TAF1B: variants seen among roughly 807,000 people sequenced by gnomAD.
TAF1B encodes TATA box-binding protein-associated factor RNA polymerase I subunit B.
TAF1B carries 61 observed loss-of-function variants against 83.9 expected under a neutral mutation model. The observed-to-expected ratio is 0.73, with a 90% CI of 0.59 to 0.90. TAF1B has a LOEUF of 0.90. Among genes scored for constraint, TAF1B ranks in the 40% least tolerant of loss-of-function variants. The pLI, the probability that TAF1B is intolerant of heterozygous loss-of-function variation, is 0.00. For missense variants in TAF1B, 625 were observed against 677.0 expected (o/e 0.92, Z 0.85); for synonymous variants, 221 against 224.6 (o/e 0.98, Z 0.14).
intron 4 of TAF1B, 28 bp downstream of exon 4, chr2:9,851,666 C>A: frequency 6.4e-7 from 1 of 1,564,654 alleles, no homozygotes; most frequent in Non-Finnish European, 8.7e-7. Context: ...TAGATGTTAG[C>A]TTTACATATT....
At chr2:9,924,302 C>T (rs772836487) in intron 14 of TAF1B, among the ~76,000 whole-genome samples, 1 of 152,120 alleles carries the variant, frequency 6.6e-6, no homozygotes, top group Non-Finnish European at 1.5e-5. Flanking sequence ...CGCTCAGAGC[C>T]CCTGACTCTG....
At chr2:9,913,354 CT>C in intron 12 of TAF1B, 105 bp downstream of exon 12, 17 of 842,538 alleles carry the variant, frequency 2.0e-5, no homozygotes, top group Non-Finnish European at 3.0e-5. Context: ...TACATTGTGA[CT>C]TTTTTTTCTG....
chr2:9,872,567 T>C (rs1664200197), intron 6 of TAF1B, among the ~76,000 whole-genome samples: 1 of 152,198 alleles, frequency 6.6e-6, no homozygotes, highest in Non-Finnish European at 1.5e-5. Context: ...GCTTTCTGAC[T>C]TCTAAAATTT....
At chr2:9,931,537 G>C (rs560448827) in intron 14 of TAF1B, among the ~76,000 whole-genome samples, 1 of 152,188 alleles carries the variant, frequency 6.6e-6, no homozygotes, top group African/African-American at 2.4e-5. Context: ...CGAGAGATCA[G>C]CTGTTAGTCT....
intron 8 of TAF1B, among the ~76,000 whole-genome samples, chr2:9,896,044 T>C (rs1665009305): frequency 6.6e-6 from 1 of 152,190 alleles, no homozygotes. Context: ...TGGAACAATT[T>C]ATTGTAGCTT....
At chr2:9,884,457 G>C (rs1305981211) in intron 8 of TAF1B, among the ~76,000 whole-genome samples, 2 of 152,214 alleles carry the variant, frequency 1.3e-5, no homozygotes, top group Non-Finnish European at 1.5e-5. Flanking sequence ...GGAAGAATGA[G>C]GTACACAGAT....
At chr2:9,909,491 G>A (rs1665457684) in intron 9 of TAF1B, among the ~76,000 whole-genome samples, 1 of 152,250 alleles carries the variant, frequency 6.6e-6, no homozygotes, top group South Asian at 2.1e-4. Context: ...GCTGTGCAAA[G>A]CAGAGAGGCA....
chr2:9,912,682 C>G (rs1665569146), intron 11 of TAF1B, among the ~76,000 whole-genome samples: 1 of 152,324 alleles, frequency 6.6e-6, no homozygotes, highest in East Asian at 1.9e-4. Context: ...TCTCTCTGCT[C>G]TGTCTGCTAA....
chr2:9,894,210 G>A (rs915515919), intron 8 of TAF1B, among the ~76,000 whole-genome samples: 7 of 149,966 alleles, frequency 4.7e-5, no homozygotes, highest in Non-Finnish European at 8.9e-5. Context: ...TTGATTACAT[G>A]ATTTGAAATA....
At chr2:9,852,851 A>G (rs1324647304) in intron 4 of TAF1B, among the ~76,000 whole-genome samples, 3 of 152,214 alleles carry the variant, frequency 2.0e-5, no homozygotes, top group Non-Finnish European at 4.4e-5. Context: ...GGCTGCAGTC[A>G]CCAAGGAAAG....
At position 9,910,808 on chromosome 2, in the gene TAF1B, A is replaced by T; in HGVS notation, c.1028A>T (p.Asp343Val). 2 of 1,613,856 alleles carry T rather than the reference A, an allele frequency of 1.2e-6. No homozygotes were observed. Among genetic ancestry groups the T allele is most frequent in the Non-Finnish European group, 1.7e-6 (2 of 1,179,816 alleles). The change falls in exon 10 of 15, where the codon GAT becomes GTT. Residue 343 changes from aspartate (D) to valine (V), a missense_variant. Coordinates refer to ENST00000263663, the MANE Select transcript of TAF1B (RefSeq NM_005680.3). ...GMGEVDFLTF[D>V]PIAKMAKTVK... ...GGAGAAGTGGATTTTCTGACATTTGATCCTATAGCTAAAATGGCAAAAACT... is the reference window on the plus strand; with the variant it reads ...GGAGAAGTGGATTTTCTGACATTTGTTCCTATAGCTAAAATGGCAAAAACT...
At position 9,922,790 on chromosome 2, in the gene TAF1B, C is replaced by A. The variant is rs535147535; in HGVS notation, c.1565+2970C>A. 9.9e-5 allele frequency among the ~76,000 whole-genome samples: 15 copies of A among 152,212 alleles called. No homozygotes were observed. The East Asian group carries it at 2.5e-3, about 25-fold the overall frequency. ...ACCAGGGCCTAGCACAGACTAGGTGCCCACCAAGTATTTATTGAATGAATG... is the reference window on the plus strand; with the variant it reads ...ACCAGGGCCTAGCACAGACTAGGTGACCACCAAGTATTTATTGAATGAATG... On this transcript the variant is annotated intron_variant, in intron 14 of 14. Transcript: ENST00000263663.
chr2:9,886,127 C>T (rs572229516), intron 8 of TAF1B, among the ~76,000 whole-genome samples: 1 of 145,960 alleles, frequency 6.9e-6, no homozygotes, highest in East Asian at 2.0e-4. Flanking sequence ...TTGACGTATT[C>T]AAATGGCAAT....
chr2:9,866,877 A>G lies in TAF1B; in HGVS notation c.400-1399A>G, dbSNP rs192077557. ...CGCATGTTCTCACTCATAGGTGGGA[A>G]TTGAACAATGAGAACACATGGACAC... On this transcript the variant is annotated intron_variant, in intron 5 of 14. Transcript: ENST00000263663. 6.7e-3 allele frequency among the ~76,000 whole-genome samples: 1,020 copies of G among 151,610 alleles called. 11 individuals carry two copies. Among genetic ancestry groups the G allele is most frequent in the African/African-American group, 0.024 (984 of 41,366 alleles).
intron 14 of TAF1B, among the ~76,000 whole-genome samples, chr2:9,929,840 T>C (rs748870889): frequency 2.0e-5 from 3 of 152,196 alleles, no homozygotes; most frequent in Non-Finnish European, 4.4e-5. Flanking sequence ...TGGTAAGCTA[T>C]TAATTATTGC....
chr2:9,897,582 A>G (rs1227970473), intron 8 of TAF1B, among the ~76,000 whole-genome samples: 1 of 152,208 alleles, frequency 6.6e-6, no homozygotes, highest in African/African-American at 2.4e-5. Context: ...ACTGCGTGGC[A>G]CTTAGCCAGG....
intron 4 of TAF1B, 85 bp downstream of exon 4, chr2:9,851,723 A>G (rs1453700484): frequency 1.8e-6 from 2 of 1,105,436 alleles, no homozygotes; most frequent in Non-Finnish European, 2.7e-6. Flanking sequence ...AGGAGAAATC[A>G]GTAGTAACAC....
At chr2:9,853,790 A>C (rs1663474486) in intron 4 of TAF1B, among the ~76,000 whole-genome samples, 1 of 152,134 alleles carries the variant, frequency 6.6e-6, no homozygotes, top group Non-Finnish European at 1.5e-5. Flanking sequence ...TTTCACTATC[A>C]CTTGGGACTG....
In TAF1B at chr2:9,914,970, T is replaced by C. The variant is rs1329512890; in HGVS notation, c.1271+1721T>C. Among the ~76,000 whole-genome samples, 1 of 152,234 alleles carries C rather than the reference T, an allele frequency of 6.6e-6. No homozygotes were observed. Among genetic ancestry groups the C allele is most frequent in the Non-Finnish European group, 1.5e-5 (1 of 68,038 alleles). On this transcript the variant is annotated intron_variant, in intron 12 of 14. Transcript: ENST00000263663. This position sits in a 1 kb window ranked among gnomAD's most constrained non-coding sequence, Gnocchi z 4.3. ...TTTCTCTGAATATTATCATCCATGT[T>C]GTCAGATGAAAATTATTAAAACATT... is the stretch of plus-strand genomic sequence containing the variant.
Sources: allele counts gnomAD v4.1 joint callset (sites outside exome capture counted in the v4.1 genomes callset), GRCh38; gene constraint gnomAD v4.1.1; non-coding constraint Gnocchi (gnomAD v3.1); transcripts MANE v1.5; gene names NCBI Gene and HGNC (gene_info 2026-07-23, HGNC 2026-07-21).